MYO1H: variants seen among roughly 807,000 people sequenced by gnomAD.
The protein encoded by MYO1H is myosin IH, also known as unconventional myosin-Ih.
MYO1H carries 118 observed loss-of-function variants against 149.3 expected under a neutral mutation model. That is an observed-to-expected ratio of 0.79 (90% CI 0.68 to 0.92). MYO1H has a LOEUF of 0.92. Ranked by LOEUF, MYO1H falls within the 40% of genes least tolerant of loss-of-function variation. The pLI, the probability that MYO1H is intolerant of heterozygous loss-of-function variation, is 0.00. For synonymous variants in MYO1H, 447 were observed against 465.2 expected (o/e 0.96, Z 0.50); for missense variants, 1,212 against 1,280.7 (o/e 0.95, Z 0.82).
At chr12:109,328,132 A>G in the MYO1H span, among the ~76,000 whole-genome samples, 1 of 147,278 alleles carries the variant, frequency 6.8e-6, no homozygotes, top group African/African-American at 2.6e-5. Context: ...TAACACACAC[A>G]CACACACGCA....
At chr12:109,391,979 G>T (rs1376794800) in intron 2 of MYO1H, among the ~76,000 whole-genome samples, 1 of 152,142 alleles carries the variant, frequency 6.6e-6, no homozygotes, top group African/African-American at 2.4e-5. Flanking sequence ...AGGTGGATAG[G>T]TTGTAGAACT....
At chr12:109,441,730 T>C (rs370603197) in intron 26 of MYO1H, 22 bp downstream of exon 26, 3 of 1,549,584 alleles carry the variant, frequency 1.9e-6, no homozygotes, top group South Asian at 1.2e-5. Flanking sequence ...TTCCAGCCTA[T>C]GTACTTGGCT....
At chr12:109,340,525 CATGAA>C in the MYO1H span, among the ~76,000 whole-genome samples, 14 of 152,006 alleles carry the variant, frequency 9.2e-5, no homozygotes, top group Admixed American at 2.0e-4. Flanking sequence ...CAGCAATAGT[CATGAA>C]ATGAAACAAG....
chr12:109,388,651 T>A (rs1047328303), intron 1 of MYO1H, 32 bp from the exon 2 acceptor site: 1 of 1,506,200 alleles, frequency 6.6e-7, no homozygotes, highest in Non-Finnish European at 8.9e-7. Flanking sequence ...ACCAAATAGA[T>A]GAGCTGCTGA....
intron 3 of MYO1H, 81 bp downstream of exon 3, chr12:109,393,527 C>CT (rs1869755549): frequency 1.1e-6 from 1 of 884,762 alleles, no homozygotes; most frequent in African/African-American, 1.7e-5. Context: ...CACCACGCAT[C>CT]TGTCCATCCA....
At chr12:109,356,547 A>G (rs1320435320) in intron 1 of MYO1H, among the ~76,000 whole-genome samples, 1 of 152,094 alleles carries the variant, frequency 6.6e-6, no homozygotes, top group Non-Finnish European at 1.5e-5. Flanking sequence ...TCTAACATTT[A>G]TCAGTAGGAA....
intron 1 of MYO1H, among the ~76,000 whole-genome samples, chr12:109,370,026 T>C (rs1330435377): frequency 6.6e-6 from 1 of 152,178 alleles, no homozygotes; most frequent in African/African-American, 2.4e-5. Context: ...ACTTGTTCAC[T>C]GTCATGAGAA....
intron 11 of MYO1H, 70 bp from the exon 12 acceptor site, chr12:109,409,893 G>T (rs1870590183): frequency 5.5e-6 from 5 of 910,804 alleles, no homozygotes; most frequent in Admixed American, 6.3e-5. Flanking sequence ...TGCCTAAAAA[G>T]AATATAATTT....
chr12:109,346,516 T>C (rs939495489), upstream of MYO1H, among the ~76,000 whole-genome samples: 2 of 152,190 alleles, frequency 1.3e-5, no homozygotes, highest in African/African-American at 4.8e-5. Context: ...ATTCCAGCAC[T>C]TTGGGAGGCT....
chr12:109,411,305 T>C (rs1227395630), intron 13 of MYO1H, among the ~76,000 whole-genome samples: 3 of 152,162 alleles, frequency 2.0e-5, no homozygotes, highest in South Asian at 2.1e-4. Context: ...GGTTTCACCA[T>C]GTGCCTGTGC....
intron 1 of MYO1H, among the ~76,000 whole-genome samples, chr12:109,371,305 TC>T (rs1868979948): frequency 7.0e-6 from 1 of 142,858 alleles, no homozygotes; most frequent in Non-Finnish European, 1.5e-5. Flanking sequence ...AGCCTCTACC[TC>T]CCCGGGCTCA....
At chr12:109,423,931 G>A (rs1871266616) in intron 16 of MYO1H, among the ~76,000 whole-genome samples, 1 of 152,130 alleles carries the variant, frequency 6.6e-6, no homozygotes, top group Non-Finnish European at 1.5e-5. Context: ...ACGCACAGGG[G>A]CGAAAGTCAA....
intron 1 of MYO1H, among the ~76,000 whole-genome samples, chr12:109,384,134 C>T (rs1015139716): frequency 6.6e-6 from 1 of 152,174 alleles, no homozygotes; most frequent in African/African-American, 2.4e-5. Context: ...TGATGTCAAC[C>T]AGCTGGAGCC....
intron 2 of MYO1H, among the ~76,000 whole-genome samples, chr12:109,389,674 G>A (rs1298421813): frequency 6.6e-6 from 1 of 152,130 alleles, no homozygotes; most frequent in Non-Finnish European, 1.5e-5. Context: ...TTTGAGGGTC[G>A]TTTTTCAGGT....
chr12:109,322,751 C>T, the MYO1H span, among the ~76,000 whole-genome samples: 2 of 139,172 alleles, frequency 1.4e-5, no homozygotes, highest in African/African-American at 5.5e-5. Context: ...ACTTGGGAGG[C>T]GGAGGTTCTA....
intron 1 of MYO1H, among the ~76,000 whole-genome samples, chr12:109,371,285 G>A (rs1331006735): frequency 7.4e-6 from 1 of 134,240 alleles, no homozygotes; most frequent in Non-Finnish European, 1.5e-5. Flanking sequence ...GTGCAGTTAT[G>A]ACTCACTGCA....
chr12:109,383,900 C>T (rs1420933330), intron 1 of MYO1H, among the ~76,000 whole-genome samples: 3 of 152,184 alleles, frequency 2.0e-5, no homozygotes, highest in African/African-American at 7.2e-5. Context: ...TCACTGAGTA[C>T]ATGATACTTC....
At chr12:109,350,705 A>G (rs1182101160) in intron 1 of MYO1H, among the ~76,000 whole-genome samples, 1 of 152,228 alleles carries the variant, frequency 6.6e-6, no homozygotes, top group Non-Finnish European at 1.5e-5. Context: ...GGTGGCTTCT[A>G]CTGTTTCAGA....
chr12:109,344,512 A>G (rs568069429), upstream of MYO1H, among the ~76,000 whole-genome samples: 2 of 152,350 alleles, frequency 1.3e-5, no homozygotes, highest in South Asian at 2.1e-4. Flanking sequence ...AAGATATCCT[A>G]TGCTCACAGA....
Sources: allele counts gnomAD v4.1 joint callset (sites outside exome capture counted in the v4.1 genomes callset), GRCh38; gene constraint gnomAD v4.1.1; transcripts MANE v1.5; gene names NCBI Gene and HGNC (gene_info 2026-07-23, HGNC 2026-07-21).